Variants in MAF observed in about 807,000 individuals in gnomAD.
MAF encodes MAF bZIP transcription factor, also known as transcription factor Maf.
In MAF, 10 loss-of-function variants were observed where a neutral mutation model predicts 22.0. The ratio of observed to expected loss-of-function variants is 0.45; its 90% confidence interval spans 0.28 to 0.77. MAF has a LOEUF of 0.77. Among genes scored for constraint, MAF ranks in the 30% least tolerant of loss-of-function variants. The pLI is 0.12. For missense variants in MAF, 544 were observed against 548.4 expected, an observed-to-expected ratio of 0.99 and a Z score of 0.08; for synonymous variants, 337 against 255.8, an observed-to-expected ratio of 1.32 and a Z score of -3.03.
the MAF span, among the ~76,000 whole-genome samples, chr16:79,437,092 C>T: frequency 6.6e-6 from 1 of 152,078 alleles, no homozygotes; most frequent in South Asian, 2.1e-4. Context: ...ATCTGCCCTG[C>T]CCACTCTCAA....
chr16:79,302,228 A>T, the MAF span, among the ~76,000 whole-genome samples: 1 of 152,218 alleles, frequency 6.6e-6, no homozygotes, highest in South Asian at 2.1e-4. Flanking sequence ...AGAGCCTCAG[A>T]ATCTGAGCCC....
the MAF span, among the ~76,000 whole-genome samples, chr16:79,461,193 T>C: frequency 6.6e-6 from 1 of 152,228 alleles, no homozygotes; most frequent in Non-Finnish European, 1.5e-5. Context: ...TGCAGATGGC[T>C]GTAGGATTTT....
chr16:79,276,734 GC>G, the MAF span, among the ~76,000 whole-genome samples: 1 of 152,178 alleles, frequency 6.6e-6, no homozygotes, highest in Non-Finnish European at 1.5e-5. Flanking sequence ...AAAGGATAAA[GC>G]TTCCCTGTTC....
chr16:79,398,925 T>A, the MAF span, among the ~76,000 whole-genome samples: 1 of 152,202 alleles, frequency 6.6e-6, no homozygotes, highest in Admixed American at 6.5e-5. Flanking sequence ...GAAGAACACA[T>A]GCCTTGCTCC....
chr16:79,409,917 C>A, the MAF span, among the ~76,000 whole-genome samples: 1 of 152,318 alleles, frequency 6.6e-6, no homozygotes, highest in South Asian at 2.1e-4. Flanking sequence ...CAGTTATTGT[C>A]AATAACTTAA....
chr16:79,385,168 T>G, the MAF span, among the ~76,000 whole-genome samples: 1 of 152,214 alleles, frequency 6.6e-6, no homozygotes, highest in Non-Finnish European at 1.5e-5. Flanking sequence ...GAAATAATGA[T>G]CAAGTCACCT....
the MAF span, among the ~76,000 whole-genome samples, chr16:79,577,608 T>G: frequency 4.6e-5 from 7 of 152,156 alleles, no homozygotes; most frequent in Admixed American, 1.3e-4. Flanking sequence ...GGAACATCAC[T>G]GTCTTCTGCT....
the MAF span, among the ~76,000 whole-genome samples, chr16:79,386,575 T>C: frequency 6.6e-6 from 1 of 152,188 alleles, no homozygotes; most frequent in Admixed American, 6.5e-5. Flanking sequence ...CCATTAACCA[T>C]ACCAGCCCAT....
the MAF span, among the ~76,000 whole-genome samples, chr16:79,249,451 TGCC>T: frequency 6.7e-6 from 1 of 148,502 alleles, no homozygotes; most frequent in Non-Finnish European, 1.5e-5. Flanking sequence ...GGTTGAAGGA[TGCC>T]GCCATGCCCC....
the MAF span, among the ~76,000 whole-genome samples, chr16:79,400,916 G>C: frequency 1.3e-5 from 2 of 152,244 alleles, no homozygotes; most frequent in African/African-American, 4.8e-5. Flanking sequence ...TCCAAAGTCT[G>C]AGCAGCTGAT....
At chr16:79,388,150 T>C in the MAF span, among the ~76,000 whole-genome samples, 8 of 152,218 alleles carry the variant, frequency 5.3e-5, no homozygotes, top group African/African-American at 1.9e-4. Context: ...GCAAGATGTA[T>C]GAAGAATTAA....
chr16:79,594,972 T>C (rs933169091), intron 1 of MAF: 30 of 1,088,096 alleles, frequency 2.8e-5, no homozygotes, highest in Middle Eastern at 4.1e-4. Context: ...CCAGGCCTCA[T>C]TTGTCATGAG....
the MAF span, among the ~76,000 whole-genome samples, chr16:79,413,040 AT>A: frequency 1.3e-5 from 2 of 152,086 alleles, no homozygotes; most frequent in East Asian, 1.9e-4. Context: ...AGAGAAAAAA[AT>A]ATTCCTATAT....
chr16:79,492,613 C>G, the MAF span, among the ~76,000 whole-genome samples: 1 of 151,964 alleles, frequency 6.6e-6, no homozygotes, highest in African/African-American at 2.4e-5. Context: ...AGCCCCAAAG[C>G]TTAAATGAAT....
At chr16:79,541,552 G>C in the MAF span, among the ~76,000 whole-genome samples, 1 of 151,924 alleles carries the variant, frequency 6.6e-6, no homozygotes, top group Non-Finnish European at 1.5e-5. Context: ...TGAGGCTTAG[G>C]ACAATACGTA....
chr16:79,250,261 T>C, the MAF span, among the ~76,000 whole-genome samples: 1 of 152,338 alleles, frequency 6.6e-6, no homozygotes, highest in South Asian at 2.1e-4. Context: ...GTGTTATCCT[T>C]GCAAAGGAGG....
the MAF span, among the ~76,000 whole-genome samples, chr16:79,266,407 A>G: frequency 6.6e-6 from 1 of 152,194 alleles, no homozygotes; most frequent in Non-Finnish European, 1.5e-5. Flanking sequence ...AGGGGTTCTG[A>G]GGACTCCCAG....
the MAF span, among the ~76,000 whole-genome samples, chr16:79,555,005 C>G: frequency 1.3e-5 from 2 of 152,140 alleles, no homozygotes; most frequent in Non-Finnish European, 2.9e-5. Context: ...TGGTGAAGAA[C>G]TGGTGGGAAG....
At chr16:79,578,149 T>G in the MAF span, among the ~76,000 whole-genome samples, 317 of 151,900 alleles carry the variant, frequency 2.1e-3, 4 homozygotes, top group African/African-American at 7.5e-3. Context: ...AAATGATCAC[T>G]TTTTTAAACC....
Sources: gnomAD v4.1 joint callset for allele counts (sites outside exome capture counted in the v4.1 genomes callset) on GRCh38, gnomAD v4.1.1 for gene constraint, MANE v1.5 for transcripts, NCBI Gene and HGNC (gene_info 2026-07-23, HGNC 2026-07-21) for gene names.